TBC1D9B: variants seen among roughly 807,000 people sequenced by gnomAD.
TBC1D9B encodes TBC1 domain family member 9B.
In TBC1D9B, 87 loss-of-function variants were observed where a neutral mutation model predicts 121.1. The ratio of observed to expected loss-of-function variants is 0.72; its 90% CI spans 0.60 to 0.86. The LOEUF is 0.86. Ranked by LOEUF, TBC1D9B falls within the 40% of genes least tolerant of loss-of-function variation. TBC1D9B has a pLI of 0.00. For missense variants in TBC1D9B, 1,540 were observed against 1,628.6 expected, an observed-to-expected ratio of 0.95 and a Z score of 0.94; for synonymous variants, 668 against 670.1, an observed-to-expected ratio of 1.00 and a Z score of 0.05.
intron 15 of TBC1D9B, 73 bp from the exon 16 acceptor site, chr5:179,870,568 GTGTCCACCCTCCCCCTC>G: frequency 6.6e-7 from 1 of 1,505,316 alleles, no homozygotes; most frequent in South Asian, 1.3e-5. Context: ...GGCTGGTGGT[GTGTCCACCCTCCCCCTC>G]TGTCCAAGCC....
chr5:179,900,971 C>A (rs1761150566), intron 2 of TBC1D9B, among the ~76,000 whole-genome samples: 1 of 152,190 alleles, frequency 6.6e-6, no homozygotes, highest in African/African-American at 2.4e-5. Flanking sequence ...CTGGGCCTGT[C>A]ACCTGCTCCA....
chr5:179,883,380 A>G (rs1372408916), intron 7 of TBC1D9B, among the ~76,000 whole-genome samples: 1 of 151,936 alleles, frequency 6.6e-6, no homozygotes, highest in African/African-American at 2.4e-5. Context: ...CGTAAGTTTG[A>G]TCTTCTTTGC....
chr5:179,876,058 CG>C, intron 10 of TBC1D9B, 21 bp from the exon 11 acceptor site: 1 of 1,606,914 alleles, frequency 6.2e-7, no homozygotes, highest in Admixed American at 1.7e-5. Flanking sequence ...CAGAGACAGC[CG>C]GGGAAGGCTT....
In TBC1D9B at chr5:179,871,518, G is replaced by A. The variant is rs777112854; in HGVS notation, c.2428C>T (p.Pro810Ser). 9.9e-6 allele frequency: 16 copies of A among 1,612,860 alleles called. No homozygotes were observed. The Admixed American group carries it at 2.3e-4, about 24-fold the overall frequency. Reference protein sequence around the residue: ...TAKRSVVRAIPVDIGFSIEEL... With the variant: ...TAKRSVVRAISVDIGFSIEEL... ...TCAATGGAGAAACCAATGTCCACAG[G>A]TATAGCTCGGACCTAGAAGGAAGGA... is the stretch of plus-strand genomic sequence containing the variant. The change falls in exon 15 of 21, where the codon CCT becomes TCT. Residue 810 changes from proline (P) to serine (S), a missense_variant. Transcript: ENST00000355235.
At position 179,907,815 on chromosome 5, in the gene TBC1D9B, G is replaced by T; in HGVS notation, c.7C>A (p.Leu3Met). The T allele has an allele frequency of 8.4e-7, 1 of 1,185,950 alleles. No homozygotes were observed. The highest frequency in any genetic ancestry group is 1.1e-6 in the Non-Finnish European group (1 of 933,318). 73.5% of individuals were successfully genotyped at this position (1,185,950 alleles called of 1,614,324 possible). A position where few individuals can be genotyped will look rare whatever the true frequency, so the allele number is the denominator to read the frequency against. ...GCCACCAGCACCTCCTCCGGGCTCA[G>T]CCACATCGCGGAGCCGCTCGCACCG... is the stretch of plus-strand genomic sequence containing the variant. MWLSPEEVLVANA... is the reference protein window; with the variant it reads MWMSPEEVLVANA... The change falls in exon 1 of 21, where the codon CTG becomes ATG. Residue 3 changes from leucine to methionine, a missense_variant. By Grantham distance (15) the Leu-to-Met change is conservative (BLOSUM62 2). Transcript: ENST00000355235. This position sits in a 1 kb window ranked among gnomAD's most constrained non-coding sequence, Gnocchi z 5.3.
chr5:179,880,835 C>T (rs569573863), intron 7 of TBC1D9B, among the ~76,000 whole-genome samples: 1 of 152,164 alleles, frequency 6.6e-6, no homozygotes, highest in African/African-American at 2.4e-5. Context: ...TCCACTTAAA[C>T]AAATGTTGAC....
At chr5:179,898,021 A>C (rs1322078456) in intron 3 of TBC1D9B, among the ~76,000 whole-genome samples, 2 of 152,204 alleles carry the variant, frequency 1.3e-5, no homozygotes, top group African/African-American at 2.4e-5. Flanking sequence ...AAAGAAAAAG[A>C]CATATACATT....
rs1761238234 is a variant in TBC1D9B, at chr5:179,904,201, C to T, written c.229+501G>A. Among the ~76,000 whole-genome samples the T allele has an allele frequency of 6.6e-6, 1 of 150,600 alleles. No individual in the cohort carries two copies. The highest frequency in any genetic ancestry group is 2.1e-4 in the South Asian group (1 of 4,780). On this transcript the variant is annotated intron_variant, in intron 2 of 20. Transcript: ENST00000355235. This position sits in a 1 kb window ranked among gnomAD's most constrained non-coding sequence, Gnocchi z 4.2. ...GGGGCTGTCCTCTCCTGCCCTGTCC[C>T]CATGACCAGTGGAGCTGCCTTTTTT... is the stretch of plus-strand genomic sequence containing the variant.
intron 17 of TBC1D9B, chr5:179,868,939 G>A (rs1008440310): frequency 4.6e-5 from 7 of 152,854 alleles, no homozygotes; most frequent in African/African-American, 1.7e-4. Context: ...TCTCTGGTGA[G>A]CCAGCCACAA....
At chr5:179,871,671 C>A (rs1454782887) in intron 14 of TBC1D9B, 141 bp from the exon 15 acceptor site, 6 of 816,364 alleles carry the variant, frequency 7.3e-6, no homozygotes, top group East Asian at 2.8e-5. Flanking sequence ...AAGGGCGGAC[C>A]CTTCGGGAGA....
At chr5:179,879,393 G>A (rs1173108738) in intron 8 of TBC1D9B, 196 bp from the exon 9 acceptor site, 2 of 1,053,424 alleles carry the variant, frequency 1.9e-6, no homozygotes, top group African/African-American at 3.2e-5. Flanking sequence ...CTCAGCGGGA[G>A]GGCCCTTCCC....
chr5:179,891,686 C>T lies in TBC1D9B; in HGVS notation c.837-100G>A. The T allele has an allele frequency of 7.4e-7, 1 of 1,346,966 alleles. No individual in the cohort carries two copies. The allele number at this position is 1,346,966 out of a possible 1,614,324, so 83.4% of individuals were successfully genotyped here. A position where few individuals can be genotyped will look rare whatever the true frequency, so the allele number is the denominator to read the frequency against. On this transcript the variant is annotated intron_variant, in intron 5 of 20. Coordinates refer to ENST00000355235, the MANE Select transcript of TBC1D9B (RefSeq NM_015043.4). The surrounding 1 kb of genome is among the most constrained non-coding windows in gnomAD (Gnocchi z 4.3). ...GGCCTCCCCAGGCCTGTTTCCACAT[C>T]AGATTCAGGATCCCTGGGGTGGTCC...
At chr5:179,879,962 G>T in intron 7 of TBC1D9B, 173 bp from the exon 8 acceptor site, 1 of 736,100 alleles carries the variant, frequency 1.4e-6, no homozygotes, top group Non-Finnish European at 2.2e-6. Flanking sequence ...CTGCAGCTCA[G>T]CCCTCAGCTC....
chr5:179,905,125 T>C (rs1324861405), intron 1 of TBC1D9B, among the ~76,000 whole-genome samples: 1 of 152,156 alleles, frequency 6.6e-6, no homozygotes, highest in Admixed American at 6.5e-5. Context: ...TCTTTACGTA[T>C]ACAAAACTAG....
rs774335841 is a variant in TBC1D9B at position 179,879,710 on chromosome 5, G to A, written c.1334C>T (p.Ala445Val). 1.2e-5 allele frequency: 20 copies of A among 1,614,078 alleles called. No homozygotes were observed. Among genetic ancestry groups the A allele is most frequent in the South Asian group, 8.8e-5 (8 of 91,086 alleles). ...SPLSSRQSFC[A>V]QEAPTASQGL... ...CTGGGATGCGGTTGGCGCCTCCTGC[G>A]CACAGAAGCTCTGGCGGCTGCTGAG... The change falls in exon 8 of 21, where the codon GCG becomes GTG. Residue 445 changes from alanine (A) to valine (V), a missense_variant. By Grantham distance (64) the Ala-to-Val change is moderately conservative. Transcript: ENST00000355235.
chr5:179,879,096 C>G lies in TBC1D9B; in HGVS notation c.1518G>C (p.Leu506=). ...CCCGGAGGCTCTCAGGGATACCCTT[C>G]AGGACCAGTGCCCGCGTCTTGGCTG... ...YRTAKTRALV[L]KGIPESLRGE... Residue 506 remains leucine, a synonymous_variant, in exon 9 of 21, where the codon CTG becomes CTC. Coordinates refer to ENST00000355235, the MANE Select transcript of TBC1D9B (RefSeq NM_015043.4). 1 of 1,607,290 alleles carries G rather than the reference C, an allele frequency of 6.2e-7. No homozygotes were observed. The highest frequency in any genetic ancestry group is 2.2e-5 in the East Asian group (1 of 44,870).
chr5:179,877,450 G>A (rs1294783665), intron 10 of TBC1D9B, among the ~76,000 whole-genome samples: 1 of 151,746 alleles, frequency 6.6e-6, no homozygotes, highest in African/African-American at 2.4e-5. Flanking sequence ...ATTACCTGAT[G>A]TCAGGAGTTC....
At chr5:179,879,272 C>G in intron 8 of TBC1D9B, 75 bp from the exon 9 acceptor site, 1 of 1,530,598 alleles carries the variant, frequency 6.5e-7, no homozygotes, top group African/African-American at 1.4e-5. Context: ...ACCGCGGAAG[C>G]CTCGTGAACA....
In TBC1D9B at chr5:179,865,880, G is replaced by A. The variant is rs760202240; in HGVS notation, c.2872C>T (p.Pro958Ser). 1 of 1,613,712 alleles carries A rather than the reference G, an allele frequency of 6.2e-7. No homozygotes were observed. The change falls in exon 19 of 21, where the codon CCA becomes TCA. Residue 958 changes from proline (P) to serine (S), a missense_variant. Coordinates refer to ENST00000355235, the MANE Select transcript of TBC1D9B (RefSeq NM_015043.4). The surrounding 1 kb of genome is among the most constrained non-coding windows in gnomAD (Gnocchi z 5.1). Reference sequence around the variant, plus strand: ...CCACTTCCTTCTTGCTCTTCCTGTGGTAGTGCTTCTGGACAAACGCAAAAA... The same window carrying A: ...CCACTTCCTTCTTGCTCTTCCTGTGATAGTGCTTCTGGACAAACGCAAAAA... ...TEDSSSEEALPQEEQEGSGSE... is the reference protein window; with the variant it reads ...TEDSSSEEALSQEEQEGSGSE...
Sources: allele counts gnomAD v4.1 joint callset (sites outside exome capture counted in the v4.1 genomes callset), GRCh38; gene constraint gnomAD v4.1.1; non-coding constraint Gnocchi (gnomAD v3.1); transcripts MANE v1.5; gene names NCBI Gene and HGNC (gene_info 2026-07-23, HGNC 2026-07-21).